C8A: variants seen among roughly 807,000 people sequenced by gnomAD.
The protein encoded by C8A is complement C8 alpha chain.
In C8A, 67 loss-of-function variants were observed where a neutral mutation model predicts 65.3. That is an observed-to-expected ratio of 1.03 (90% CI 0.84 to 1.26). The LOEUF (loss-of-function observed/expected upper bound fraction) is 1.26. C8A is among the 50% of genes most tolerant of loss of function. The probability of loss-of-function intolerance (pLI) is 0.00; values close to 1 mark genes in which losing one functional copy is unlikely to be tolerated. For missense variants in C8A, 781 were observed against 723.9 expected (o/e 1.08, Z -0.90); for synonymous variants, 290 against 259.4 (o/e 1.12, Z -1.13).
At chr1:56,897,571 A>G (rs1449793933) in intron 7 of C8A, among the ~76,000 whole-genome samples, 5 of 152,244 alleles carry the variant, frequency 3.3e-5, no homozygotes, top group Admixed American at 6.5e-5. Flanking sequence ...AGTTATTAAA[A>G]TAAGACAAAG....
chr1:56,867,056 T>C (rs541855037), intron 1 of C8A, among the ~76,000 whole-genome samples: 24 of 152,344 alleles, frequency 1.6e-4, no homozygotes, highest in African/African-American at 5.8e-4. Flanking sequence ...AGGATTGTTA[T>C]AGAGATTAAA....
chr1:56,897,010 G>C (rs758262944), intron 7 of C8A, among the ~76,000 whole-genome samples: 1 of 152,294 alleles, frequency 6.6e-6, no homozygotes, highest in African/African-American at 2.4e-5. Context: ...TGACACAGCT[G>C]GTCAGAGGCA....
At chr1:56,872,873 C>A (rs1644159805) in intron 2 of C8A, among the ~76,000 whole-genome samples, 1 of 151,002 alleles carries the variant, frequency 6.6e-6, no homozygotes, top group Non-Finnish European at 1.5e-5. Flanking sequence ...AAGGCACATC[C>A]AGAAATAAAC....
intron 10 of C8A, among the ~76,000 whole-genome samples, chr1:56,914,538 G>C (rs1003237677): frequency 1.3e-5 from 2 of 152,156 alleles, no homozygotes; most frequent in African/African-American, 2.4e-5. Flanking sequence ...GATTCAAGGG[G>C]ATCTTCATGC....
intron 9 of C8A, among the ~76,000 whole-genome samples, chr1:56,908,994 C>T (rs1293289833): frequency 6.6e-6 from 1 of 152,192 alleles, no homozygotes. Context: ...ATCCAGGAGG[C>T]AGAGGCCTGG....
intron 5 of C8A, among the ~76,000 whole-genome samples, chr1:56,882,660 A>G (rs968885645): frequency 6.6e-6 from 1 of 152,006 alleles, no homozygotes; most frequent in Non-Finnish European, 1.5e-5. Context: ...CCCCACTCCA[A>G]CCTCTACTCT....
intron 7 of C8A, among the ~76,000 whole-genome samples, chr1:56,886,963 C>A (rs763161334): frequency 1.6e-4 from 25 of 152,210 alleles, no homozygotes; most frequent in Non-Finnish European, 3.1e-4. Flanking sequence ...CTAACTAAAT[C>A]AAAAACTGGG....
At chr1:56,896,629 C>T (rs1557710776) in intron 7 of C8A, among the ~76,000 whole-genome samples, 1 of 152,176 alleles carries the variant, frequency 6.6e-6, no homozygotes, top group Non-Finnish European at 1.5e-5. Context: ...ATGTTTATCT[C>T]ACCCAGAAAC....
At chr1:56,862,044 C>G (rs1255793011) in intron 1 of C8A, among the ~76,000 whole-genome samples, 2 of 152,174 alleles carry the variant, frequency 1.3e-5, no homozygotes, top group African/African-American at 4.8e-5. Context: ...TGGGAAGCAT[C>G]TCACTTGTCC....
chr1:56,902,979 C>A (rs1263009792), intron 7 of C8A, among the ~76,000 whole-genome samples: 1 of 151,940 alleles, frequency 6.6e-6, no homozygotes, highest in African/African-American at 2.4e-5. Flanking sequence ...TAATTTGTAC[C>A]CTGGTTTCAT....
rs114182217 is a variant in C8A at position 56,860,313 on chromosome 1, G to A, written c.77+5335G>A. Among the ~76,000 whole-genome samples the A allele has an allele frequency of 8.8e-3, 1,335 of 152,214 alleles. 50 individuals are homozygous for A. In the South Asian group the frequency reaches 0.12, roughly 13 times the overall value. On this transcript the variant is annotated intron_variant, in intron 1 of 10. Transcript: ENST00000361249. ...GTCATGTTTGAGAACTGAAGGATGG[G>A]AGCAACATGAAAGCAGAGAAATGTG...
intron 10 of C8A, among the ~76,000 whole-genome samples, chr1:56,917,039 T>C (rs1317651707): frequency 6.6e-6 from 1 of 150,414 alleles, no homozygotes; most frequent in East Asian, 1.9e-4. Context: ...ACACCCTCCA[T>C]TGACTCTGTG....
chr1:56,910,884 A>G (rs1179369241), intron 9 of C8A, among the ~76,000 whole-genome samples: 1 of 152,174 alleles, frequency 6.6e-6, no homozygotes, highest in African/African-American at 2.4e-5. Context: ...TTGCTCTGGC[A>G]CAGTCCTACT....
chr1:56,872,442 A>C (rs557797424), intron 2 of C8A, among the ~76,000 whole-genome samples: 1 of 152,292 alleles, frequency 6.6e-6, no homozygotes, highest in East Asian at 1.9e-4. Context: ...GATAAAGGAA[A>C]AATACAGAAA....
At chr1:56,867,844 A>C in intron 2 of C8A, 142 bp downstream of exon 2, 1 of 710,836 alleles carries the variant, frequency 1.4e-6, no homozygotes, top group Non-Finnish European at 2.6e-6. Flanking sequence ...TCCATTATAC[A>C]TGGATGGTGA....
At chr1:56,906,920 C>A in intron 8 of C8A, 128 bp downstream of exon 8, 1 of 1,073,962 alleles carries the variant, frequency 9.3e-7, no homozygotes, top group South Asian at 1.3e-5. Context: ...TGCATAGACG[C>A]TAAATACCCC....
At chr1:56,917,152 C>T (rs942485893) in intron 10 of C8A, among the ~76,000 whole-genome samples, 2 of 152,220 alleles carry the variant, frequency 1.3e-5, no homozygotes, top group African/African-American at 2.4e-5. Context: ...GGCCTCTTCT[C>T]ACTCCATCCA....
chr1:56,857,695 T>C (rs1197332638), intron 1 of C8A, among the ~76,000 whole-genome samples: 1 of 151,958 alleles, frequency 6.6e-6, no homozygotes, highest in Admixed American at 6.6e-5. Context: ...TCCCATGTCT[T>C]CCTTGTTTCT....
chr1:56,876,500 G>A (rs1485358491), intron 4 of C8A, among the ~76,000 whole-genome samples: 1 of 151,858 alleles, frequency 6.6e-6, no homozygotes, highest in Non-Finnish European at 1.5e-5. Flanking sequence ...AGAAGCCACA[G>A]CTTCCATGAA....
Sources: gnomAD v4.1 joint callset for allele counts (sites outside exome capture counted in the v4.1 genomes callset) on GRCh38, gnomAD v4.1.1 for gene constraint, MANE v1.5 for transcripts, NCBI Gene and HGNC (gene_info 2026-07-23, HGNC 2026-07-21) for gene names.